The following ATP2C2 variants were observed in gnomAD, a reference collection of about 807,000 sequenced individuals.
The protein encoded by ATP2C2 is ATPase secretory pathway Ca2+ transporting 2.
ATP2C2 carries 171 observed loss-of-function variants against 110.8 expected under a neutral mutation model. The ratio of observed to expected loss-of-function variants is 1.54; its 90% CI spans 1.36 to 1.75. The LOEUF (loss-of-function observed/expected upper bound fraction) is 1.75. Ranked by LOEUF, ATP2C2 falls within the 40% of genes most tolerant of loss-of-function variation. The pLI is 0.00. For missense variants in ATP2C2, 1,963 were observed against 1,235.0 expected (o/e 1.59, Z -8.84); for synonymous variants, 804 against 508.4 (o/e 1.58, Z -7.82).
At chr16:84,412,739 T>C (rs1906486759) in intron 6 of ATP2C2, among the ~76,000 whole-genome samples, 1 of 152,080 alleles carries the variant, frequency 6.6e-6, no homozygotes, top group Non-Finnish European at 1.5e-5. Context: ...TAACATTGGT[T>C]GAGGTCCTGT....
rs1904898551 is a variant in ATP2C2, at chr16:84,395,231, G to A, written c.100-3268G>A. 2.6e-5 allele frequency among the ~76,000 whole-genome samples: 4 copies of A among 152,082 alleles called. No homozygotes were observed. The South Asian group carries it at 8.3e-4, about 32-fold the overall frequency. On this transcript the variant is annotated intron_variant, in intron 1 of 26. Coordinates refer to ENST00000262429, the MANE Select transcript of ATP2C2 (RefSeq NM_014861.4). Reference sequence around the variant, plus strand: ...TTGGGCTCTGGACTCTGCCCCTGCAGTCACAAAACACAGGGGAGTGAGGGA... The same window carrying A: ...TTGGGCTCTGGACTCTGCCCCTGCAATCACAAAACACAGGGGAGTGAGGGA...
chr16:84,419,350 C>T (rs1445388704), intron 7 of ATP2C2, among the ~76,000 whole-genome samples: 1 of 152,062 alleles, frequency 6.6e-6, no homozygotes, highest in Non-Finnish European at 1.5e-5. Flanking sequence ...CATGTTCCCG[C>T]ACCACTGCTT....
chr16:84,369,234 T>A (rs1909810212), intron 1 of ATP2C2, among the ~76,000 whole-genome samples: 1 of 152,198 alleles, frequency 6.6e-6, no homozygotes, highest in African/African-American at 2.4e-5. Flanking sequence ...CTCAGAGCTG[T>A]ATGCCTGCTT....
intron 6 of ATP2C2, 70 bp downstream of exon 6, chr16:84,410,835 G>C: frequency 6.8e-7 from 1 of 1,479,612 alleles, no homozygotes; most frequent in Non-Finnish European, 9.4e-7. Flanking sequence ...TTTGGCAAAT[G>C]TTTGCTGAAA....
Position 84,464,173 on chromosome 16 carries a change from G to A in ATP2C2, c.*441G>A, listed in dbSNP as rs1244630709. ...GAGGGACTTTTAAATAAAGTGCTAT[G>A]CCGGGGGATAATTATTTTGATGTGT... On this transcript the variant is annotated 3_prime_UTR_variant, in exon 27 of 27. Transcript: ENST00000262429. The A allele has an allele frequency of 6.4e-6, 1 of 155,176 alleles. No individual in the cohort carries two copies. The highest frequency in any genetic ancestry group is 1.4e-5 in the Non-Finnish European group (1 of 70,044). 9.6% of individuals were successfully genotyped at this position (155,176 alleles called of 1,614,324 possible). A position where few individuals can be genotyped will look rare whatever the true frequency, so the allele number is the denominator to read the frequency against.
intron 1 of ATP2C2, among the ~76,000 whole-genome samples, chr16:84,391,044 G>T (rs1049213973): frequency 1.4e-5 from 2 of 144,104 alleles, no homozygotes; most frequent in Non-Finnish European, 3.0e-5. Flanking sequence ...AGCCCTGGGG[G>T]CAGAGGTTGC....
chr16:84,368,705 G>C lies in ATP2C2; in HGVS notation c.90G>C (p.Glu30Asp). The C allele has an allele frequency of 6.5e-7, 1 of 1,546,092 alleles. No individual in the cohort carries two copies. The highest frequency in any genetic ancestry group is 1.2e-5 in the South Asian group (1 of 85,144). Residue 30 changes from glutamate (E) to aspartate (D), a missense_variant, in exon 1 of 27, where the codon GAG becomes GAC. Glu to Asp is a conservative substitution (Grantham distance 45). Transcript: ENST00000262429. ...RQYQALEKDE[E>D]EALIDEQSEL... ...ACCAGGCGCTGGAGAAGGACGAAGAGGAAGCCTTGGTGAGTCCCCGCGACT... is the reference window on the plus strand; with the variant it reads ...ACCAGGCGCTGGAGAAGGACGAAGACGAAGCCTTGGTGAGTCCCCGCGACT...
At chr16:84,397,692 C>G (rs967559964) in intron 1 of ATP2C2, among the ~76,000 whole-genome samples, 11 of 95,756 alleles carry the variant, frequency 1.1e-4, no homozygotes, top group Non-Finnish European at 2.6e-4. Context: ...AAAATAGATG[C>G]ATCAGTATTA....
At chr16:84,447,671 T>TATATTATTTAATATATATTATGTAATAA (rs1909870575) in intron 16 of ATP2C2, among the ~76,000 whole-genome samples, 4 of 146,304 alleles carry the variant, frequency 2.7e-5, no homozygotes, top group African/African-American at 1.0e-4. Context: ...ATATATTACA[T>TATATTATTTAATATATATTATGTAATAA]ATATTACATA....
intron 1 of ATP2C2, among the ~76,000 whole-genome samples, chr16:84,389,008 G>C (rs1904490807): frequency 6.6e-6 from 1 of 152,062 alleles, no homozygotes; most frequent in Non-Finnish European, 1.5e-5. Flanking sequence ...TTGACCTCGT[G>C]ATCCACCCAA....
intron 2 of ATP2C2, among the ~76,000 whole-genome samples, chr16:84,400,619 G>A (rs983212990): frequency 1.7e-4 from 26 of 152,152 alleles, no homozygotes; most frequent in African/African-American, 4.8e-4. Context: ...GAGCCACCGC[G>A]CCCAGCGTAT....
intron 1 of ATP2C2, among the ~76,000 whole-genome samples, chr16:84,394,190 GA>G (rs1364935821): frequency 7.9e-5 from 12 of 151,734 alleles, no homozygotes; most frequent in African/African-American, 2.7e-4. Flanking sequence ...CCTCAAAAAC[GA>G]AAAACAAAAT....
intron 3 of ATP2C2, among the ~76,000 whole-genome samples, chr16:84,407,830 T>G (rs1905912685): frequency 6.6e-6 from 1 of 152,128 alleles, no homozygotes; most frequent in Admixed American, 6.6e-5. Flanking sequence ...CTGAATCCGG[T>G]TTTATGTGTT....
At position 84,415,615 on chromosome 16, in the gene ATP2C2, A is replaced by G. The variant is rs182026380; in HGVS notation, c.624+24A>G. 1.9e-6 allele frequency: 3 copies of G among 1,579,196 alleles called. No individual in the cohort carries two copies. The Admixed American group carries it at 5.2e-5, about 28-fold the overall frequency. ...AGGTGAGTGGTTCCAAACCCTTGTC[A>G]ATGGGGTATTTGATGGAGCTGGTCA... On this transcript the variant is annotated intron_variant, in intron 7 of 26. Coordinates refer to ENST00000262429, the MANE Select transcript of ATP2C2 (RefSeq NM_014861.4).
rs1409513719 is a variant in ATP2C2 at position 84,452,080 on chromosome 16, C to T, written c.1820C>T (p.Ala607Val). Residue 607 changes from alanine to valine, a missense_variant, in exon 18 of 27, where the codon GCC becomes GTC. Ala to Val is a moderately conservative substitution (Grantham distance 64). Coordinates refer to ENST00000262429, the MANE Select transcript of ATP2C2 (RefSeq NM_014861.4). ...ATAACGGGGGATGCCCTGGAGACGG[C>T]CTTGGCCATAGGTAACTGGGACAGG... is the stretch of plus-strand genomic sequence containing the variant. ...KMITGDALET[A>V]LAIGRNIGLC... is the part of the protein sequence containing the mutation. 1 of 1,613,872 alleles carries T rather than the reference C, an allele frequency of 6.2e-7. No homozygotes were observed. Among genetic ancestry groups the T allele is most frequent in the Non-Finnish European group, 8.5e-7 (1 of 1,179,984 alleles).
intron 1 of ATP2C2, among the ~76,000 whole-genome samples, chr16:84,387,352 C>G (rs141976927): frequency 6.6e-6 from 1 of 152,170 alleles, no homozygotes; most frequent in African/African-American, 2.4e-5. Context: ...TGAAACCCGT[C>G]TCTACAAAAA....
At chr16:84,402,444 A>T (rs1905390544) in intron 2 of ATP2C2, among the ~76,000 whole-genome samples, 1 of 152,212 alleles carries the variant, frequency 6.6e-6, no homozygotes, top group Admixed American at 6.5e-5. Context: ...TGGGTCTGTC[A>T]TATATGGCTT....
At chr16:84,421,545 C>G (rs1335455822) in intron 7 of ATP2C2, among the ~76,000 whole-genome samples, 1 of 152,128 alleles carries the variant, frequency 6.6e-6, no homozygotes, top group African/African-American at 2.4e-5. Context: ...GACCAGGTCC[C>G]TAGGGATAGG....
chr16:84,415,825 A>T (rs1208908227), intron 7 of ATP2C2, among the ~76,000 whole-genome samples: 1 of 152,332 alleles, frequency 6.6e-6, no homozygotes, highest in East Asian at 1.9e-4. Context: ...ACCTTTGGCT[A>T]TACGATTTTC....
Sources: gnomAD v4.1 joint callset for allele counts (sites outside exome capture counted in the v4.1 genomes callset) on GRCh38, gnomAD v4.1.1 for gene constraint, MANE v1.5 for transcripts, NCBI Gene and HGNC (gene_info 2026-07-23, HGNC 2026-07-21) for gene names.